The following PPP4R3B variants were observed in gnomAD, a reference collection of about 807,000 sequenced individuals.
The protein encoded by PPP4R3B is protein phosphatase 4 regulatory subunit 3B, also known as serine/threonine-protein phosphatase 4 regulatory subunit 3B.
PPP4R3B carries 52 observed loss-of-function variants against 95.4 expected under a neutral mutation model. The observed-to-expected ratio is 0.54, with a 90% CI of 0.44 to 0.69. The LOEUF (loss-of-function observed/expected upper bound fraction) is 0.69. PPP4R3B is among the 30% of genes least tolerant of loss of function. The pLI is 0.00. For synonymous variants in PPP4R3B, 407 were observed against 343.9 expected, an observed-to-expected ratio of 1.18 and a Z score of -2.03; for missense variants, 1,003 against 1,005.9, an observed-to-expected ratio of 1.00 and a Z score of 0.04.
chr2:55,602,015 C>A (rs1446178650), intron 3 of PPP4R3B, among the ~76,000 whole-genome samples: 1 of 152,134 alleles, frequency 6.6e-6, no homozygotes, highest in Non-Finnish European at 1.5e-5. Flanking sequence ...AAAAAAATCA[C>A]TGGACTGACA....
chr2:55,598,898 C>G lies in PPP4R3B; in HGVS notation c.439G>C (p.Asp147His). The G allele has an allele frequency of 7.4e-6, 12 of 1,614,138 alleles. No individual in the cohort carries two copies. Among genetic ancestry groups the G allele is most frequent in the Non-Finnish European group, 1.0e-5 (12 of 1,180,030 alleles). The change falls in exon 4 of 17, where the codon GAC becomes CAC. Residue 147 changes from aspartate to histidine, a missense_variant. By Grantham distance (81) the Asp-to-His change is moderately conservative (BLOSUM62 -1). This residue lies in a region of PPP4R3B where 695 missense variants were observed against 686.2 expected (regional missense o/e 1.01). Coordinates refer to ENST00000616407, the MANE Select transcript of PPP4R3B (RefSeq NM_001122964.3). ...GAGGAGAGCACTGAGGTAACTAAGT[C>G]AGCAATCTCTTCAAGTTTATTGAGT... ...CELNKLEEIA[D>H]LVTSVLSSPI...
In PPP4R3B at chr2:55,598,715, T is replaced by G. The variant is rs138748538; in HGVS notation, c.622A>C (p.Thr208Pro). 3.1e-6 allele frequency: 5 copies of G among 1,614,056 alleles called. No homozygotes were observed. Among genetic ancestry groups the G allele is most frequent in the Non-Finnish European group, 1.7e-6 (2 of 1,180,010 alleles). ...TCAGAAAACATTACCTCAAAAAGAGTTGCCTTATTTAGGAATAAGATTCCT... is the reference window on the plus strand; with the variant it reads ...TCAGAAAACATTACCTCAAAAAGAGGTGCCTTATTTAGGAATAAGATTCCT... ...IRGILFLNKA[T>P]LFEVMFSDEC... Residue 208 changes from threonine to proline, a missense_variant, in exon 4 of 17, where the codon ACT (threonine) becomes CCT (proline). Thr to Pro is a conservative substitution (Grantham distance 38). This residue lies in a region of PPP4R3B where 695 missense variants were observed against 686.2 expected (regional missense o/e 1.01). Coordinates refer to ENST00000616407, the MANE Select transcript of PPP4R3B (RefSeq NM_001122964.3).
Position 55,617,162 on chromosome 2 carries a change from C to T in PPP4R3B, c.124G>A (p.Val42Ile), listed in dbSNP as rs1446810459. Residue 42 changes from valine (V) to isoleucine (I), a missense_variant, in exon 1 of 17, where the codon GTT becomes ATT. Around this residue, in one of 3 missense-constraint regions of PPP4R3B, gnomAD observed 695 missense variants for 686.2 expected, o/e 1.01. Transcript: ENST00000616407. ...ACCTTACCGTCGGACTCTGCCCGAA[C>T]CAGCAGCGACATCCCCTTGAGCTCC... ...VEELKGMSLL[V>I]RAESDGSLLL... 3.1e-6 allele frequency: 5 copies of T among 1,613,194 alleles called. No individual in the cohort carries two copies. Among genetic ancestry groups the T allele is most frequent in the Admixed American group, 1.7e-5 (1 of 59,700 alleles).
chr2:55,568,058 G>C, intron 13 of PPP4R3B, 136 bp downstream of exon 13: 1 of 504,560 alleles, frequency 2.0e-6, no homozygotes, highest in African/African-American at 2.0e-5. Flanking sequence ...TATTAGAATA[G>C]ATTCTAAGAC....
intron 2 of PPP4R3B, among the ~76,000 whole-genome samples, chr2:55,609,893 C>T (rs751746895): frequency 6.6e-6 from 1 of 152,092 alleles, no homozygotes; most frequent in Non-Finnish European, 1.5e-5. Flanking sequence ...TGTCAGTGGC[C>T]TCTAGCAAGG....
At chr2:55,612,382 T>C (rs1451947946) in intron 2 of PPP4R3B, among the ~76,000 whole-genome samples, 1 of 152,218 alleles carries the variant, frequency 6.6e-6, no homozygotes, top group Non-Finnish European at 1.5e-5. Context: ...TAGAAAAATG[T>C]TACTGTATTT....
At chr2:55,577,621 A>G (rs1186124625) in intron 10 of PPP4R3B, among the ~76,000 whole-genome samples, 1 of 152,138 alleles carries the variant, frequency 6.6e-6, no homozygotes, top group Admixed American at 6.5e-5. Context: ...TAAAACTGAC[A>G]TATCTTCTTT....
At chr2:55,562,420 C>G (rs1686750947) in intron 15 of PPP4R3B, among the ~76,000 whole-genome samples, 1 of 152,146 alleles carries the variant, frequency 6.6e-6, no homozygotes, top group Non-Finnish European at 1.5e-5. Flanking sequence ...GAGACTCCAT[C>G]TCAAAAAGCA....
chr2:55,599,269 C>T lies in PPP4R3B; in HGVS notation c.298-230G>A, dbSNP rs1024131218. Among the ~76,000 whole-genome samples the T allele has an allele frequency of 3.3e-5, 5 of 151,904 alleles. No individual in the cohort carries two copies. In the South Asian group the frequency reaches 6.2e-4, roughly 19 times the overall value. ...CCTGGGCAACATGGTGAAACCCCAA[C>T]TCCACTAAAAATACAAAAATCAGCC... On this transcript the variant is annotated intron_variant, in intron 3 of 16. Transcript: ENST00000616407.
chr2:55,558,692 A>G (rs72803536), intron 16 of PPP4R3B, 83 bp downstream of exon 16: 49,113 of 1,046,938 alleles, frequency 0.047, 1,510 homozygotes, highest in Middle Eastern at 0.099. Flanking sequence ...AATTGTTTTG[A>G]TTATCCAAAT....
At chr2:55,560,297 C>T (rs1686414332) in intron 15 of PPP4R3B, among the ~76,000 whole-genome samples, 1 of 152,150 alleles carries the variant, frequency 6.6e-6, no homozygotes, top group African/African-American at 2.4e-5. Flanking sequence ...ACAATGAAGT[C>T]CAGGCTGAGG....
chr2:55,581,987 A>C (rs1247380756), intron 7 of PPP4R3B, among the ~76,000 whole-genome samples: 1 of 152,106 alleles, frequency 6.6e-6, no homozygotes, highest in African/African-American at 2.4e-5. Context: ...AAAATTCTTT[A>C]GCAGTAGTTC....
intron 8 of PPP4R3B, 119 bp downstream of exon 8, chr2:55,581,448 C>G: frequency 2.0e-6 from 2 of 1,015,298 alleles, no homozygotes; most frequent in Non-Finnish European, 2.8e-6. Flanking sequence ...ATAAGAATAC[C>G]ACTGCTACTT....
At chr2:55,595,047 G>A (rs146327184) in intron 4 of PPP4R3B, among the ~76,000 whole-genome samples, 2 of 136,036 alleles carry the variant, frequency 1.5e-5, no homozygotes, top group Admixed American at 7.7e-5. Flanking sequence ...TTTTTTTTCA[G>A]ACAGTCTCGC....
chr2:55,581,414 G>C (rs555058530), intron 8 of PPP4R3B, among the ~76,000 whole-genome samples, 153 bp downstream of exon 8: 1 of 152,256 alleles, frequency 6.6e-6, no homozygotes, highest in East Asian at 1.9e-4. Flanking sequence ...TTACAATTTT[G>C]TATTTTACCA....
At chr2:55,579,927 C>T (rs889250387) in intron 8 of PPP4R3B, 146 bp from the exon 9 acceptor site, 3 of 409,828 alleles carry the variant, frequency 7.3e-6, no homozygotes, top group Non-Finnish European at 1.3e-5. Flanking sequence ...CTTTAAAATA[C>T]TGTGAAAAAA....
chr2:55,564,385 C>G lies in PPP4R3B; in HGVS notation c.2188G>C (p.Ala730Pro), dbSNP rs1396387589. The change falls in exon 15 of 17, where the codon GCA (alanine) becomes CCA (proline). Residue 730 changes from alanine (A) to proline (P), a missense_variant. Physicochemically the swap from Ala to Pro is conservative, Grantham distance 27. Transcript: ENST00000616407. Reference protein sequence around the residue: ...DEEEEGKAVVAPVEKPKPEDD... With the variant: ...DEEEEGKAVVPPVEKPKPEDD... Reference sequence around the variant, plus strand: ...TCTGGCTTAGGTTTTTCCACTGGTGCCACAACTGCTTTTCCTTCCTCTTCT... The same window carrying G: ...TCTGGCTTAGGTTTTTCCACTGGTGGCACAACTGCTTTTCCTTCCTCTTCT... 5 of 1,613,820 alleles carry G rather than the reference C, an allele frequency of 3.1e-6. No individual in the cohort carries two copies. The highest frequency in any genetic ancestry group is 4.2e-6 in the Non-Finnish European group (5 of 1,179,872).
chr2:55,585,622 A>T (rs1690033317), intron 6 of PPP4R3B, among the ~76,000 whole-genome samples: 1 of 152,176 alleles, frequency 6.6e-6, no homozygotes, highest in Admixed American at 6.5e-5. Flanking sequence ...CTAATAGAGC[A>T]TGCTTTTGAA....
Position 55,579,648 on chromosome 2 carries a change from A to C in PPP4R3B, c.1468+31T>G, listed in dbSNP as rs371606547. ...TTATCTCATCCTTCTTTAAAAACAG[A>C]AATCACAGCAGATAAATAAAGAGAC... On this transcript the variant is annotated intron_variant, in intron 9 of 16. Coordinates refer to ENST00000616407, the MANE Select transcript of PPP4R3B (RefSeq NM_001122964.3). 14 of 1,412,976 alleles carry C rather than the reference A, an allele frequency of 9.9e-6. No homozygotes were observed. In the African/African-American group the frequency reaches 1.9e-4, roughly 19 times the overall value. The allele number at this position is 1,412,976 out of a possible 1,614,324, so 87.5% of individuals were successfully genotyped here.
Sources: allele counts gnomAD v4.1 joint callset (sites outside exome capture counted in the v4.1 genomes callset), GRCh38; gene constraint gnomAD v4.1.1; regional missense constraint gnomAD v4.1.1; transcripts MANE v1.5; gene names NCBI Gene and HGNC (gene_info 2026-07-23, HGNC 2026-07-21).